Variants in CSMD1 observed in about 807,000 individuals in gnomAD.
The protein encoded by CSMD1 is CUB and Sushi multiple domains 1, also known as CUB and sushi domain-containing protein 1.
A neutral mutation model predicts 417.5 loss-of-function variants in CSMD1; 213 were observed. The observed-to-expected ratio is 0.51, with a 90% CI of 0.46 to 0.57. The LOEUF is 0.57. Ranked by LOEUF, CSMD1 falls within the 20% of genes least tolerant of loss-of-function variation. The pLI is 0.00. For synonymous variants in CSMD1, 2,862 were observed against 1,736.8 expected (o/e 1.65, Z -16.11); for missense variants, 6,923 against 4,529.7 (o/e 1.53, Z -15.17).
chr8:4,197,936 T>G (rs1799434021), intron 3 of CSMD1, among the ~76,000 whole-genome samples: 1 of 152,208 alleles, frequency 6.6e-6, no homozygotes, highest in Admixed American at 6.5e-5. Flanking sequence ...TTAGTAATTC[T>G]GTACACATTG....
chr8:4,763,552 G>C lies in CSMD1; in HGVS notation c.86-125994C>G, dbSNP rs191451717. On this transcript the variant is annotated intron_variant, in intron 1 of 69. Transcript: ENST00000635120. ...TTCTATGGTTGGGGCACCATAGAAAGAGCAGATCTATTGTCTTACTTGCTG... is the reference window on the plus strand; with the variant it reads ...TTCTATGGTTGGGGCACCATAGAAACAGCAGATCTATTGTCTTACTTGCTG... Among the ~76,000 whole-genome samples the C allele has an allele frequency of 4.1e-3, 619 of 152,214 alleles. 7 individuals carry two copies. Among genetic ancestry groups the C allele is most frequent in the Middle Eastern group, 0.017 (5 of 294 alleles).
intron 22 of CSMD1, among the ~76,000 whole-genome samples, chr8:3,344,872 G>C (rs927576587): frequency 2.0e-5 from 3 of 152,220 alleles, no homozygotes; most frequent in African/African-American, 7.2e-5. Context: ...TAGTGGGGTA[G>C]AATCAGATAC....
At chr8:3,293,223 G>T (rs1397293861) in intron 25 of CSMD1, among the ~76,000 whole-genome samples, 1 of 152,070 alleles carries the variant, frequency 6.6e-6, no homozygotes, top group Non-Finnish European at 1.5e-5. Flanking sequence ...TTCCTTTTGT[G>T]GGTAACCGGA....
intron 9 of CSMD1, among the ~76,000 whole-genome samples, chr8:3,580,026 C>A (rs1043338482): frequency 1.3e-5 from 2 of 151,988 alleles, no homozygotes; most frequent in Admixed American, 6.6e-5. Context: ...ATCCCTTGAG[C>A]TAGGGAGGTG....
intron 1 of CSMD1, among the ~76,000 whole-genome samples, chr8:4,877,738 T>C (rs893557819): frequency 4.6e-5 from 7 of 152,102 alleles, no homozygotes; most frequent in Non-Finnish European, 1.5e-5. Flanking sequence ...AGACTATGTG[T>C]TTGCACTTTC....
intron 2 of CSMD1, among the ~76,000 whole-genome samples, chr8:4,537,768 C>A (rs1437953031): frequency 3.3e-5 from 5 of 152,190 alleles, no homozygotes; most frequent in Non-Finnish European, 7.3e-5. Context: ...GGCCTCGAAT[C>A]ACCAGGCATG....
intron 18 of CSMD1, among the ~76,000 whole-genome samples, chr8:3,377,462 G>C (rs1448303537): frequency 1.3e-5 from 2 of 152,124 alleles, no homozygotes; most frequent in Non-Finnish European, 2.9e-5. Context: ...AAATGAATAA[G>C]CTAAGTGTAC....
At chr8:3,526,874 G>C (rs1342932904) in intron 10 of CSMD1, among the ~76,000 whole-genome samples, 1 of 152,112 alleles carries the variant, frequency 6.6e-6, no homozygotes, top group Non-Finnish European at 1.5e-5. Flanking sequence ...CTTTGGAGAG[G>C]TAAAGTGCTA....
chr8:3,483,448 T>C (rs1382714860), intron 11 of CSMD1, among the ~76,000 whole-genome samples: 6 of 151,944 alleles, frequency 3.9e-5, no homozygotes, highest in African/African-American at 9.7e-5. Flanking sequence ...AAACAGACAA[T>C]CTAAATAGTC....
intron 10 of CSMD1, among the ~76,000 whole-genome samples, chr8:3,550,298 T>C (rs562521867): frequency 6.6e-6 from 1 of 152,242 alleles, no homozygotes; most frequent in South Asian, 2.1e-4. Context: ...TTTTCTCCAA[T>C]AATTCCCACC....
intron 2 of CSMD1, among the ~76,000 whole-genome samples, chr8:4,570,148 T>C (rs1398170362): frequency 1.3e-5 from 2 of 152,220 alleles, no homozygotes; most frequent in Admixed American, 6.5e-5. Flanking sequence ...CTTGCCTGAT[T>C]GCCCTGGCCA....
At chr8:3,794,290 T>G (rs1213246348) in intron 5 of CSMD1, among the ~76,000 whole-genome samples, 1 of 152,176 alleles carries the variant, frequency 6.6e-6, no homozygotes, top group African/African-American at 2.4e-5. Flanking sequence ...TTCCTAGGTG[T>G]AGCGACTTCA....
At chr8:3,884,585 A>C (rs556498457) in intron 5 of CSMD1, among the ~76,000 whole-genome samples, 20 of 152,300 alleles carry the variant, frequency 1.3e-4, no homozygotes, top group African/African-American at 4.8e-4. Flanking sequence ...ATACACATGG[A>C]AACATCGGTG....
intron 2 of CSMD1, among the ~76,000 whole-genome samples, chr8:4,605,047 C>G (rs1800793217): frequency 6.6e-6 from 1 of 152,144 alleles, no homozygotes; most frequent in Non-Finnish European, 1.5e-5. Context: ...GGCTGGCCAC[C>G]AAAGTCCTAT....
intron 1 of CSMD1, among the ~76,000 whole-genome samples, chr8:4,946,249 T>A (rs114084402): frequency 6.6e-6 from 1 of 152,228 alleles, no homozygotes; most frequent in African/African-American, 2.4e-5. Flanking sequence ...TCTCAGAGAC[T>A]GATGCTTTTG....
chr8:3,517,090 C>T (rs546538789), intron 10 of CSMD1, among the ~76,000 whole-genome samples: 51 of 152,276 alleles, frequency 3.3e-4, no homozygotes, highest in African/African-American at 1.1e-3. Flanking sequence ...GGGCATCTGG[C>T]GGCCTTCTCA....
chr8:4,254,258 A>G (rs1803286855), intron 3 of CSMD1, among the ~76,000 whole-genome samples: 1 of 152,064 alleles, frequency 6.6e-6, no homozygotes, highest in South Asian at 2.1e-4. Flanking sequence ...ACCAAATAAA[A>G]TCAGCGAACA....
intron 3 of CSMD1, among the ~76,000 whole-genome samples, chr8:4,275,787 C>G (rs1032318390): frequency 6.6e-6 from 1 of 152,230 alleles, no homozygotes; most frequent in South Asian, 2.1e-4. Context: ...CTCTAAAATG[C>G]TATAACTTTG....
intron 12 of CSMD1, among the ~76,000 whole-genome samples, chr8:3,464,959 A>C (rs547184462): frequency 6.6e-6 from 1 of 152,248 alleles, no homozygotes; most frequent in Admixed American, 6.5e-5. Flanking sequence ...GAAATTATCA[A>C]TTCACACTCT....
Sources: gnomAD v4.1 joint callset for allele counts (sites outside exome capture counted in the v4.1 genomes callset) on GRCh38, gnomAD v4.1.1 for gene constraint, MANE v1.5 for transcripts, NCBI Gene and HGNC (gene_info 2026-07-23, HGNC 2026-07-21) for gene names.